The following PIP5K1B variants were observed in gnomAD, a reference collection of about 807,000 sequenced individuals.
PIP5K1B encodes phosphatidylinositol-4-phosphate 5-kinase type 1 beta.
PIP5K1B carries 42 observed loss-of-function variants against 67.0 expected under a neutral mutation model. The observed-to-expected ratio is 0.63, with a 90% CI of 0.49 to 0.81. The LOEUF (loss-of-function observed/expected upper bound fraction) is 0.81, where lower values mean the gene tolerates loss of function less well. Among genes scored for constraint, PIP5K1B ranks in the 30% least tolerant of loss-of-function variants. PIP5K1B has a pLI of 0.00. For missense variants in PIP5K1B, 459 were observed against 646.3 expected (o/e 0.71, Z 3.14); for synonymous variants, 214 against 231.4 (o/e 0.92, Z 0.68).
chr9:68,854,498 GA>G (rs1159208813), intron 4 of PIP5K1B, among the ~76,000 whole-genome samples: 3 of 152,056 alleles, frequency 2.0e-5, no homozygotes, highest in Non-Finnish European at 4.4e-5. Flanking sequence ...TGGGGCAGAA[GA>G]AAAATCTAAC....
rs192294775 is a variant in PIP5K1B at position 68,951,563 on chromosome 9, C to T, written c.1502+10773C>T. Among the ~76,000 whole-genome samples, 11 of 152,304 alleles carry T rather than the reference C, an allele frequency of 7.2e-5. No homozygotes were observed. The East Asian group carries it at 9.6e-4, about 13-fold the overall frequency. The stretch of plus-strand genomic sequence containing the variant: ...GTCAAAGCTCATTTAGGGAACCGGT[C>T]GAGCCTTCGCCTTTTCCCTGTTCAC... On this transcript the variant is annotated intron_variant, in intron 14 of 15. Transcript: ENST00000265382.
chr9:68,975,408 A>G (rs1487040427), intron 14 of PIP5K1B, among the ~76,000 whole-genome samples: 1 of 152,240 alleles, frequency 6.6e-6, no homozygotes, highest in Non-Finnish European at 1.5e-5. Context: ...AGTGTTTAGC[A>G]AGAAATATGA....
At chr9:68,722,147 G>A (rs1827919224) in intron 1 of PIP5K1B, among the ~76,000 whole-genome samples, 1 of 152,024 alleles carries the variant, frequency 6.6e-6, no homozygotes, top group Non-Finnish European at 1.5e-5. Flanking sequence ...CTGACAGCAG[G>A]GATCATATCT....
chr9:68,917,040 G>T (rs1462566010), intron 8 of PIP5K1B, among the ~76,000 whole-genome samples: 4 of 152,212 alleles, frequency 2.6e-5, no homozygotes, highest in South Asian at 2.1e-4. Flanking sequence ...AGCTTGTAGA[G>T]ACTATTGGTT....
chr9:68,845,953 T>C (rs993702637), intron 4 of PIP5K1B, among the ~76,000 whole-genome samples: 1 of 152,224 alleles, frequency 6.6e-6, no homozygotes, highest in African/African-American at 2.4e-5. Context: ...TTAATAGTCT[T>C]TTTGTAAAAC....
intron 2 of PIP5K1B, among the ~76,000 whole-genome samples, chr9:68,774,833 A>G (rs1286555068): frequency 6.6e-6 from 1 of 152,152 alleles, no homozygotes; most frequent in Non-Finnish European, 1.5e-5. Flanking sequence ...ACTTTCATCA[A>G]TGTAGATTCT....
chr9:68,908,157 ATCAT>A (rs977922110), intron 8 of PIP5K1B, among the ~76,000 whole-genome samples: 7 of 152,210 alleles, frequency 4.6e-5, no homozygotes, highest in Non-Finnish European at 7.3e-5. Context: ...AATGAAGTAA[ATCAT>A]TCATAGTAAA....
At chr9:68,958,649 A>T (rs1432415928) in intron 14 of PIP5K1B, among the ~76,000 whole-genome samples, 1 of 152,210 alleles carries the variant, frequency 6.6e-6, no homozygotes, top group Non-Finnish European at 1.5e-5. Context: ...GCATACTTAG[A>T]CATTAATATT....
chr9:68,966,120 C>G (rs767586645), intron 14 of PIP5K1B, among the ~76,000 whole-genome samples: 2 of 151,546 alleles, frequency 1.3e-5, no homozygotes, highest in Non-Finnish European at 2.9e-5. Flanking sequence ...GAGTTATAAC[C>G]CAAAGAATAA....
chr9:68,763,466 G>A (rs188615164), intron 2 of PIP5K1B, among the ~76,000 whole-genome samples: 1 of 152,006 alleles, frequency 6.6e-6, no homozygotes, highest in Admixed American at 6.6e-5. Context: ...AGCACTCAAC[G>A]AATGTCAGCT....
intron 4 of PIP5K1B, among the ~76,000 whole-genome samples, chr9:68,852,340 T>TC (rs1317930106): frequency 6.6e-6 from 1 of 150,716 alleles, no homozygotes; most frequent in Non-Finnish European, 1.5e-5. Flanking sequence ...GTTACCCGCC[T>TC]CCCCCACACC....
At chr9:68,930,408 C>T in intron 12 of PIP5K1B, among the ~76,000 whole-genome samples, 1 of 152,100 alleles carries the variant, frequency 6.6e-6, no homozygotes. Context: ...AAGACCACCA[C>T]AATCCACCCA....
intron 4 of PIP5K1B, among the ~76,000 whole-genome samples, chr9:68,822,962 C>T (rs1564162334): frequency 6.6e-6 from 1 of 152,114 alleles, no homozygotes; most frequent in South Asian, 2.1e-4. Context: ...GAGTCCACTT[C>T]CTTGTCTTTT....
intron 14 of PIP5K1B, among the ~76,000 whole-genome samples, chr9:68,974,072 G>A (rs1398829322): frequency 6.6e-6 from 1 of 152,296 alleles, no homozygotes; most frequent in African/African-American, 2.4e-5. Context: ...GTTCCACCCT[G>A]TTGCCCAGGC....
At chr9:68,957,798 T>C (rs563207340) in intron 14 of PIP5K1B, among the ~76,000 whole-genome samples, 8 of 152,260 alleles carry the variant, frequency 5.3e-5, no homozygotes, top group Non-Finnish European at 1.0e-4. Flanking sequence ...AGGATTCTTT[T>C]ATTGCCTGCT....
At chr9:68,857,884 A>C (rs1472542935) in intron 4 of PIP5K1B, among the ~76,000 whole-genome samples, 1 of 152,010 alleles carries the variant, frequency 6.6e-6, no homozygotes, top group African/African-American at 2.4e-5. Flanking sequence ...AATGAAGGAG[A>C]AATAATAAAT....
intron 2 of PIP5K1B, chr9:68,780,240 AGCG>A (rs748999752): frequency 3.0e-5 from 46 of 1,542,164 alleles, no homozygotes; most frequent in South Asian, 1.1e-4. Context: ...GGGCGGTGGC[AGCG>A]GCGGCGGCGG....
intron 2 of PIP5K1B, among the ~76,000 whole-genome samples, chr9:68,763,158 T>C (rs990924951): frequency 6.6e-6 from 1 of 152,058 alleles, no homozygotes; most frequent in African/African-American, 2.4e-5. Flanking sequence ...GAAGGATCAA[T>C]AGGAAATGGT....
At chr9:68,917,009 A>T (rs1379271365) in intron 8 of PIP5K1B, among the ~76,000 whole-genome samples, 2 of 152,238 alleles carry the variant, frequency 1.3e-5, no homozygotes, top group Admixed American at 6.5e-5. Flanking sequence ...GCTGAGGAAG[A>T]TACAAGCGTA....
Sources: allele counts gnomAD v4.1 joint callset (sites outside exome capture counted in the v4.1 genomes callset), GRCh38; gene constraint gnomAD v4.1.1; transcripts MANE v1.5; gene names NCBI Gene and HGNC (gene_info 2026-07-23, HGNC 2026-07-21).